ZNF79: variants seen among roughly 807,000 people sequenced by gnomAD.
ZNF79 encodes the protein zinc finger protein 79.
ZNF79 carries 13 observed loss-of-function variants against 14.9 expected under a neutral mutation model. That is an observed-to-expected ratio of 0.87 (90% confidence interval 0.57 to 1.38). The LOEUF (loss-of-function observed/expected upper bound fraction) is 1.38, where lower values mean the gene tolerates loss of function less well. ZNF79 is among the 40% of genes most tolerant of loss of function. ZNF79 has a pLI of 0.00. For synonymous variants in ZNF79, 223 were observed against 235.1 expected (o/e 0.95, Z 0.47); for missense variants, 631 against 630.6 (o/e 1.00, Z -0.01).
chr9:127,424,715 G>T lies in ZNF79; in HGVS notation c.-73G>T. 8.1e-6 allele frequency: 13 copies of T among 1,609,548 alleles called. No individual in the cohort carries two copies. Among genetic ancestry groups the T allele is most frequent in the East Asian group, 2.2e-5 (1 of 44,800 alleles). ...CCGTCAGAGCAGCCCTGCAGAACGG[G>T]GTGGGGGCTGCTGTAGATAGACCCT... is the stretch of plus-strand genomic sequence containing the variant. On this transcript the variant is annotated 5_prime_UTR_variant, in exon 1 of 5. Coordinates refer to ENST00000342483, the MANE Select transcript of ZNF79 (RefSeq NM_007135.3).
At chr9:127,429,103 A>G (rs1156886331) in intron 2 of ZNF79, among the ~76,000 whole-genome samples, 183 bp downstream of exon 2, 1 of 152,068 alleles carries the variant, frequency 6.6e-6, no homozygotes, top group African/African-American at 2.4e-5. Flanking sequence ...CAACCTCCAC[A>G]TGCTGGGTTC....
intron 1 of ZNF79, among the ~76,000 whole-genome samples, chr9:127,425,899 T>G (rs1446724979): frequency 6.6e-6 from 1 of 152,184 alleles, no homozygotes; most frequent in African/African-American, 2.4e-5. Context: ...GGCCAAGAGA[T>G]CCTTATATTT....
Position 127,424,774 on chromosome 9 carries a change from G to A in ZNF79, c.-14G>A. On this transcript the variant is annotated 5_prime_UTR_variant, in exon 1 of 5. Coordinates refer to ENST00000342483, the MANE Select transcript of ZNF79 (RefSeq NM_007135.3). Reference sequence around the variant, plus strand: ...GAGAACTGCTGGGAGGCTGTGGCGCGAGGCGGGACTCAAATGCTGGAGGAA... The same window carrying A: ...GAGAACTGCTGGGAGGCTGTGGCGCAAGGCGGGACTCAAATGCTGGAGGAA... The A allele has an allele frequency of 6.2e-7, 1 of 1,613,836 alleles. No homozygotes were observed. The highest frequency in any genetic ancestry group is 8.5e-7 in the Non-Finnish European group (1 of 1,179,984).
chr9:127,425,045 T>G, intron 1 of ZNF79: 1 of 1,009,168 alleles, frequency 9.9e-7, no homozygotes, highest in East Asian at 2.9e-5. Flanking sequence ...TCAGACTGCG[T>G]GATTTCTGAG....
intron 1 of ZNF79, among the ~76,000 whole-genome samples, chr9:127,425,781 C>T (rs562575189): frequency 2.1e-4 from 32 of 152,260 alleles, no homozygotes; most frequent in African/African-American, 4.8e-4. Context: ...TTAGTAGAGA[C>T]GGGGTTTCAC....
Position 127,444,929 on chromosome 9 carries a change from C to G in ZNF79, c.1229C>G (p.Thr410Ser). ...QSTNLIIHQK[T>S]HTGEKPYKCN... ...ACCAATCTCATAATCCACCAAAAGA[C>G]CCACACCGGGGAGAAGCCATATAAA... Residue 410 changes from threonine to serine, a missense_variant, in exon 5 of 5, where the codon ACC becomes AGC. By Grantham distance (58) the Thr-to-Ser change is moderately conservative. Coordinates refer to ENST00000342483, the MANE Select transcript of ZNF79 (RefSeq NM_007135.3). The G allele has an allele frequency of 6.2e-7, 1 of 1,612,372 alleles. No homozygotes were observed. The highest frequency in any genetic ancestry group is 8.5e-7 in the Non-Finnish European group (1 of 1,179,578).
rs1834131233 is a variant in ZNF79 at position 127,444,805 on chromosome 9, G to A, written c.1105G>A (p.Ala369Thr). 6.2e-7 allele frequency: 1 copy of A among 1,608,382 alleles called. No individual in the cohort carries two copies. Among genetic ancestry groups the A allele is most frequent in the Non-Finnish European group, 8.5e-7 (1 of 1,175,770 alleles). ...CTACAGATGTGCCGCGTGTGGGAAG[G>A]CCTTCAGCCAGAGTGCAAACCTCAC... ...KPYRCAACGK[A>T]FSQSANLTNH... The change falls in exon 5 of 5, where the codon GCC becomes ACC. Residue 369 changes from alanine (A) to threonine (T), a missense_variant. By Grantham distance (58) the Ala-to-Thr change is moderately conservative (BLOSUM62 0). Coordinates refer to ENST00000342483, the MANE Select transcript of ZNF79 (RefSeq NM_007135.3).
chr9:127,431,496 G>T (rs1384824093), intron 2 of ZNF79, among the ~76,000 whole-genome samples: 1 of 152,084 alleles, frequency 6.6e-6, no homozygotes, highest in Non-Finnish European at 1.5e-5. Context: ...CGATCCTCCT[G>T]CCTTGGCCTT....
Position 127,424,729 on chromosome 9 carries a change from T to TA in ZNF79, c.-58dup. The TA allele has an allele frequency of 6.2e-7, 1 of 1,612,450 alleles. No homozygotes were observed. Among genetic ancestry groups the TA allele is most frequent in the South Asian group, 1.1e-5 (1 of 90,898 alleles). On this transcript the variant is annotated 5_prime_UTR_variant, in exon 1 of 5. Transcript: ENST00000342483. Reference sequence around the variant, plus strand: ...CTGCAGAACGGGGTGGGGGCTGCTGTAGATAGACCCTTACGCCCAGAGAAC... The same window carrying TA: ...CTGCAGAACGGGGTGGGGGCTGCTGTAAGATAGACCCTTACGCCCAGAGAAC...
At chr9:127,434,638 G>A (rs1487422477) in intron 2 of ZNF79, among the ~76,000 whole-genome samples, 1 of 152,150 alleles carries the variant, frequency 6.6e-6, no homozygotes, top group Non-Finnish European at 1.5e-5. Context: ...TGCAATGCTG[G>A]TGATCAATAA....
At chr9:127,429,122 C>A (rs1484817494) in intron 2 of ZNF79, among the ~76,000 whole-genome samples, 2 of 152,166 alleles carry the variant, frequency 1.3e-5, no homozygotes, top group Non-Finnish European at 2.9e-5. Flanking sequence ...TCAAGCAATT[C>A]TCTTGCTTCA....
At chr9:127,442,437 A>G (rs1834066656) in intron 4 of ZNF79, among the ~76,000 whole-genome samples, 1 of 152,056 alleles carries the variant, frequency 6.6e-6, no homozygotes, top group Non-Finnish European at 1.5e-5. Context: ...GTATGGTAAA[A>G]ATACAGTATA....
intron 4 of ZNF79, among the ~76,000 whole-genome samples, chr9:127,438,056 C>G (rs1461981842): frequency 6.6e-6 from 1 of 152,036 alleles, no homozygotes; most frequent in Non-Finnish European, 1.5e-5. Flanking sequence ...GGTGTGGGTG[C>G]CCCTGAGCGG....
At chr9:127,443,603 C>A (rs533693365) in intron 4 of ZNF79, among the ~76,000 whole-genome samples, 2 of 152,160 alleles carry the variant, frequency 1.3e-5, no homozygotes, top group South Asian at 4.1e-4. Context: ...CTCCATTACA[C>A]CCTTATGAAA....
chr9:127,432,405 C>T (rs1202460416), intron 2 of ZNF79, among the ~76,000 whole-genome samples: 1 of 152,168 alleles, frequency 6.6e-6, no homozygotes, highest in Non-Finnish European at 1.5e-5. Flanking sequence ...CCGCCTCGGC[C>T]TCCCAAAGTG....
Position 127,444,328 on chromosome 9 carries a change from C to T in ZNF79, c.628C>T (p.Gln210Ter), listed in dbSNP as rs548010907. The change falls in exon 5 of 5, where the codon CAG becomes TAG. Residue 210 changes from glutamine to a stop codon, truncating the protein, a stop_gained. Transcript: ENST00000342483. LOFTEE classifies it low-confidence loss of function (END_TRUNC). ...CTTCAGTTACTGTTCTTCCCTTTCT[C>T]AGCATCAGAAGAGCCACACTGGAGA... The part of the protein sequence containing the change: ...KAFSYCSSLS[Q>*]HQKSHTGEKP... The T allele has an allele frequency of 6.2e-7, 1 of 1,614,072 alleles. No homozygotes were observed. Among genetic ancestry groups the T allele is most frequent in the Non-Finnish European group, 8.5e-7 (1 of 1,179,900 alleles).
chr9:127,439,115 A>C (rs373288608), intron 4 of ZNF79, among the ~76,000 whole-genome samples: 1 of 152,086 alleles, frequency 6.6e-6, no homozygotes, highest in South Asian at 2.1e-4. Context: ...CTGTCACAAA[A>C]AAAAAGAAAA....
chr9:127,443,745 C>CA (rs1485540640), intron 4 of ZNF79, among the ~76,000 whole-genome samples: 1 of 151,870 alleles, frequency 6.6e-6, no homozygotes, highest in African/African-American at 2.4e-5. Flanking sequence ...ACTAAAAATA[C>CA]AAAAAATTAG....
chr9:127,429,572 C>T (rs1833824140), intron 2 of ZNF79, among the ~76,000 whole-genome samples: 1 of 151,770 alleles, frequency 6.6e-6, no homozygotes, highest in African/African-American at 2.4e-5. Flanking sequence ...CTCAAGCTAT[C>T]CTCCAGCCTT....
Sources: allele counts gnomAD v4.1 joint callset (sites outside exome capture counted in the v4.1 genomes callset), GRCh38; gene constraint gnomAD v4.1.1; transcripts MANE v1.5; gene names NCBI Gene and HGNC (gene_info 2026-07-23, HGNC 2026-07-21).